The following PCDHA2 variants were observed in gnomAD, a reference collection of about 807,000 sequenced individuals.
PCDHA2 encodes protocadherin alpha 2, also known as protocadherin alpha-2.
In PCDHA2, 58 loss-of-function variants were observed where a neutral mutation model predicts 66.0. The observed-to-expected ratio is 0.88, with a 90% CI of 0.71 to 1.09. The LOEUF is 1.09. PCDHA2 is among the 50% of genes least tolerant of loss of function. PCDHA2 has a pLI of 0.00. For missense variants in PCDHA2, 1,267 were observed against 1,242.3 expected, an observed-to-expected ratio of 1.02 and a Z score of -0.30; for synonymous variants, 634 against 554.0, an observed-to-expected ratio of 1.14 and a Z score of -2.03.
Position 140,809,291 on chromosome 5 carries a change from A to T in PCDHA2, c.2388+11939A>T, listed in dbSNP as rs782054971. 36 of 1,613,936 alleles carry T rather than the reference A, an allele frequency of 2.2e-5. No individual in the cohort carries two copies. Among genetic ancestry groups the T allele is most frequent in the Admixed American group, 2.2e-4 (13 of 60,012 alleles). On this transcript the variant is annotated intron_variant, in intron 1 of 3. Coordinates refer to ENST00000526136, the MANE Select transcript of PCDHA2 (RefSeq NM_018905.3). Reference sequence around the variant, plus strand: ...GGTGGATGTCAACGTATACCTGATCATTGCCATCTGCGCGGTGTCCAGCCT... The same window carrying T: ...GGTGGATGTCAACGTATACCTGATCTTTGCCATCTGCGCGGTGTCCAGCCT...
intron 1 of PCDHA2, chr5:140,875,547 G>C (rs558501431): frequency 1.2e-6 from 2 of 1,614,152 alleles, no homozygotes; most frequent in Admixed American, 1.7e-5. Context: ...CAGCCTGGGA[G>C]GTGGGGAGCG....
chr5:140,801,884 G>T, intron 1 of PCDHA2: 1 of 1,614,184 alleles, frequency 6.2e-7, no homozygotes, highest in Non-Finnish European at 8.5e-7. Flanking sequence ...CTCAACTAAA[G>T]ATCACTGTTT....
intron 1 of PCDHA2, among the ~76,000 whole-genome samples, chr5:140,917,270 T>C (rs782142831): frequency 2.6e-5 from 4 of 151,228 alleles, no homozygotes; most frequent in Admixed American, 6.6e-5. Context: ...GTTTGGTTTT[T>C]GTAATGACGC....
At chr5:140,849,694 C>A (rs2041050724) in intron 1 of PCDHA2, 1 of 1,598,594 alleles carries the variant, frequency 6.3e-7, no homozygotes, top group African/African-American at 1.3e-5. Flanking sequence ...CTGGTGTCCA[C>A]CTACAAGAAT....
At chr5:140,977,730 T>C (rs1478978176) in intron 1 of PCDHA2, among the ~76,000 whole-genome samples, 1 of 152,226 alleles carries the variant, frequency 6.6e-6, no homozygotes, top group Non-Finnish European at 1.5e-5. Flanking sequence ...ATTTCTCTCC[T>C]GGGTGTTATG....
At chr5:140,890,902 G>A (rs781819787) in intron 1 of PCDHA2, among the ~76,000 whole-genome samples, 16 of 152,080 alleles carry the variant, frequency 1.1e-4, no homozygotes, top group Non-Finnish European at 1.5e-4. Context: ...GTCTTTCCAT[G>A]TTAGAATAAT....
Position 141,009,759 on chromosome 5 carries a change from GATCTCCTGCAATCATCTCC to G in PCDHA2, c.2673_2691del (p.Pro892GlyfsTer15). 6.2e-7 allele frequency: 1 copy of G among 1,614,082 alleles called. No individual in the cohort carries two copies. The highest frequency in any genetic ancestry group is 8.5e-7 in the Non-Finnish European group (1 of 1,180,014). On this transcript the variant is annotated frameshift_variant, in exon 4 of 4. Transcript: ENST00000526136. LOFTEE classifies it high-confidence loss of function. Reference sequence around the variant, plus strand: ...TTGCCCGACAAATTCATTATCCCAGGATCTCCTGCAATCATCTCCATCCGGCAGGAGCCTACTAACAGCC... The same window carrying G: ...TTGCCCGACAAATTCATTATCCCAGGATCCGGCAGGAGCCTACTAACAGCC...
intron 1 of PCDHA2, among the ~76,000 whole-genome samples, chr5:140,833,147 A>G (rs1412458710): frequency 2.6e-5 from 4 of 152,210 alleles, no homozygotes; most frequent in South Asian, 4.1e-4. Flanking sequence ...GTGTGAAGCA[A>G]TACGAATAAA....
intron 1 of PCDHA2, among the ~76,000 whole-genome samples, chr5:140,973,163 G>A (rs1473284872): frequency 1.3e-5 from 2 of 152,166 alleles, no homozygotes; most frequent in African/African-American, 4.8e-5. Context: ...GCAATTTGTA[G>A]TCACCAAACC....
At chr5:140,901,583 T>A (rs530803677) in intron 1 of PCDHA2, among the ~76,000 whole-genome samples, 6 of 152,222 alleles carry the variant, frequency 3.9e-5, no homozygotes, top group Non-Finnish European at 8.8e-5. Flanking sequence ...GCCAGTGCCA[T>A]GATGTTTTGG....
At chr5:140,902,677 G>A (rs1457054226) in intron 1 of PCDHA2, among the ~76,000 whole-genome samples, 6 of 151,960 alleles carry the variant, frequency 3.9e-5, no homozygotes, top group Non-Finnish European at 5.9e-5. Flanking sequence ...AGTGTACACC[G>A]TACCTAATAT....
intron 1 of PCDHA2, chr5:140,870,819 G>T: frequency 3.1e-6 from 5 of 1,613,714 alleles, no homozygotes; most frequent in Non-Finnish European, 4.2e-6. Context: ...CTGGCAGCGC[G>T]GGAGGCGCAG....
At chr5:140,803,098 C>T in intron 1 of PCDHA2, 1 of 1,613,860 alleles carries the variant, frequency 6.2e-7, no homozygotes, top group Non-Finnish European at 8.5e-7. Flanking sequence ...ATCAGCACGA[C>T]CCGTGCCCTG....
At chr5:140,842,799 C>G (rs2150344737) in intron 1 of PCDHA2, 2 of 1,594,426 alleles carry the variant, frequency 1.3e-6, no homozygotes, top group Non-Finnish European at 1.7e-6. Context: ...GTGTCCTACT[C>G]GCTTGTGGAG....
intron 1 of PCDHA2, chr5:140,822,178 C>T: frequency 1.2e-6 from 2 of 1,614,244 alleles, no homozygotes; most frequent in Middle Eastern, 1.6e-4. Context: ...GTTCTCCAGA[C>T]AAGAACAAAG....
intron 1 of PCDHA2, chr5:140,854,657 T>C (rs1554147373): frequency 6.7e-6 from 1 of 149,998 alleles, no homozygotes; most frequent in Non-Finnish European, 1.5e-5. Context: ...ATAAAATAAA[T>C]TAACCCTTGC....
intron 1 of PCDHA2, chr5:140,843,861 G>T: frequency 1.1e-6 from 1 of 908,292 alleles, no homozygotes; most frequent in South Asian, 1.8e-5. Context: ...ATAATTAATT[G>T]AATTTTCTCA....
chr5:140,803,930 A>G, intron 1 of PCDHA2: 2 of 439,354 alleles, frequency 4.6e-6, no homozygotes, highest in Non-Finnish European at 8.1e-6. Context: ...TTTTATACTT[A>G]TCCCTATACA....
chr5:140,848,754 A>T, intron 1 of PCDHA2: 1 of 1,593,142 alleles, frequency 6.3e-7, no homozygotes, highest in Non-Finnish European at 8.6e-7. Context: ...TTTGTTTGTG[A>T]ATTCTCGGAT....
Sources: allele counts gnomAD v4.1 joint callset (sites outside exome capture counted in the v4.1 genomes callset), GRCh38; gene constraint gnomAD v4.1.1; transcripts MANE v1.5; gene names NCBI Gene and HGNC (gene_info 2026-07-23, HGNC 2026-07-21).